The following CD101 variants were observed in gnomAD, a reference collection of about 807,000 sequenced individuals.
CD101 encodes CD101 molecule.
In CD101, 76 loss-of-function variants were observed where a neutral mutation model predicts 98.2. The observed-to-expected ratio is 0.77, with a 90% CI of 0.64 to 0.94. CD101 has a LOEUF of 0.94. Ranked by LOEUF, CD101 falls within the 40% of genes least tolerant of loss-of-function variation. CD101 has a pLI of 0.00. For synonymous variants in CD101, 471 were observed against 472.7 expected (o/e 1.00, Z 0.05); for missense variants, 1,145 against 1,218.8 (o/e 0.94, Z 0.90).
chr1:117,031,223 T>C (rs959644536), intron 8 of CD101, among the ~76,000 whole-genome samples: 1 of 152,200 alleles, frequency 6.6e-6, no homozygotes, highest in African/African-American at 2.4e-5. Context: ...CATCCTTTGA[T>C]GGCAGATTGC....
At position 117,012,064 on chromosome 1, in the gene CD101, T is replaced by C; in HGVS notation, c.841+98T>C. The C allele has an allele frequency of 8.8e-7, 1 of 1,142,582 alleles. No individual in the cohort carries two copies. The highest frequency in any genetic ancestry group is 1.6e-5 in the South Asian group (1 of 61,708). 70.8% of individuals were successfully genotyped at this position (1,142,582 alleles called of 1,614,324 possible). A position where few individuals can be genotyped will look rare whatever the true frequency, so the allele number is the denominator to read the frequency against. On this transcript the variant is annotated intron_variant, in intron 3 of 9. Coordinates refer to ENST00000682167, the MANE Select transcript of CD101 (RefSeq NM_001256106.3). This position sits in a 1 kb window ranked among gnomAD's most constrained non-coding sequence, Gnocchi z 4.0. ...TTTTGTTCTAATCTTTTGTTGGCTC[T>C]AAAAAATTGGCTAGAAAGTTTGATT...
Position 117,021,630 on chromosome 1 carries a change from A to G in CD101, c.2075A>G (p.Asn692Ser), listed in dbSNP as rs1423736849. 2.5e-6 allele frequency: 4 copies of G among 1,612,174 alleles called. No individual in the cohort carries two copies. Among genetic ancestry groups the G allele is most frequent in the Non-Finnish European group, 3.4e-6 (4 of 1,179,446 alleles). The change falls in exon 7 of 10, where the codon AAC (asparagine) becomes AGC (serine). Residue 692 changes from asparagine to serine, a missense_variant. Transcript: ENST00000682167. This position sits in a 1 kb window ranked among gnomAD's most constrained non-coding sequence, Gnocchi z 4.7. ...GTCCAAGAGCTCTCCATCAACTCCA[A>G]CACTGATATAGAATGTAGCATCTTG... ...SQVQELSINS[N>S]TDIECSILSR...
Position 117,009,955 on chromosome 1 carries a change from G to A in CD101, c.149G>A (p.Gly50Glu), listed in dbSNP as rs769838774. 5.0e-6 allele frequency: 8 copies of A among 1,614,156 alleles called. No individual in the cohort carries two copies. In the East Asian group the frequency reaches 1.8e-4, roughly 36 times the overall value. Residue 50 changes from glycine to glutamate, a missense_variant, in exon 2 of 10, where the codon GGA (glycine) becomes GAA (glutamate). Physicochemically the swap from Gly to Glu is moderately conservative, Grantham distance 98. Transcript: ENST00000682167. Reference sequence around the variant, plus strand: ...GGCTGCAATGTAACTGGCCACCAGGGACCTTCTGAGCAGCATTTCCAGTGG... The same window carrying A: ...GGCTGCAATGTAACTGGCCACCAGGAACCTTCTGAGCAGCATTTCCAGTGG... ...SIGCNVTGHQ[G>E]PSEQHFQWSV... is the part of the protein sequence containing the mutation.
chr1:117,025,618 C>T lies in CD101; in HGVS notation c.2538C>T (p.Tyr846=). ...LESVGSSATL[Y]SVMWYWNREN... ...GTGTAGGCAGCTCAGCCACTCTGTACTCTGTGATGTGGTACTGGAACAGAG... is the reference window on the plus strand; with the variant it reads ...GTGTAGGCAGCTCAGCCACTCTGTATTCTGTGATGTGGTACTGGAACAGAG... Residue 846 remains tyrosine (Y), a synonymous_variant, in exon 8 of 10, where the codon TAC becomes TAT. Transcript: ENST00000682167. The T allele has an allele frequency of 6.2e-7, 1 of 1,614,108 alleles. No individual in the cohort carries two copies. Among genetic ancestry groups the T allele is most frequent in the Non-Finnish European group, 8.5e-7 (1 of 1,180,032 alleles).
rs555412744 is a variant in CD101 at position 117,035,106 on chromosome 1, T to C, written c.*33+972T>C. On this transcript the variant is annotated intron_variant, in intron 9 of 9. Transcript: ENST00000682167. The stretch of plus-strand genomic sequence containing the variant: ...AGCAGCCGGTGGGGGTGGGGTGTAA[T>C]GGCTTAAAGCTTTCAACAGCTGTCC... 2.0e-5 allele frequency among the ~76,000 whole-genome samples: 3 copies of C among 152,226 alleles called. No homozygotes were observed. The East Asian group carries it at 5.8e-4, about 29-fold the overall frequency.
intron 1 of CD101, among the ~76,000 whole-genome samples, chr1:117,003,427 G>A (rs1652360309): frequency 6.6e-6 from 1 of 152,206 alleles, no homozygotes; most frequent in Non-Finnish European, 1.5e-5. Flanking sequence ...ACCACTTGCT[G>A]GGTGACGGAT....
intron 3 of CD101, 71 bp from the exon 4 acceptor site, chr1:117,013,335 C>A: frequency 3.4e-6 from 5 of 1,475,282 alleles, no homozygotes; most frequent in Non-Finnish European, 4.6e-6. Context: ...CAGAGGGTGT[C>A]ATCTCTCTCT....
rs998310959 is a variant in CD101, at chr1:117,022,634, A to C, written c.2428+651A>C. The stretch of plus-strand genomic sequence containing the variant: ...TTGATTAAAATTAAATGAATGTCAC[A>C]GCCAAGGTTCAGGAACTGGCCAAGA... On this transcript the variant is annotated intron_variant, in intron 7 of 9. Coordinates refer to ENST00000682167, the MANE Select transcript of CD101 (RefSeq NM_001256106.3). This position sits in a 1 kb window ranked among gnomAD's most constrained non-coding sequence, Gnocchi z 4.8. Among the ~76,000 whole-genome samples, 1 of 152,238 alleles carries C rather than the reference A, an allele frequency of 6.6e-6. No homozygotes were observed. Among genetic ancestry groups the C allele is most frequent in the Non-Finnish European group, 1.5e-5 (1 of 68,040 alleles).
At chr1:117,013,309 C>A in intron 3 of CD101, 97 bp from the exon 4 acceptor site, 1 of 1,367,310 alleles carries the variant, frequency 7.3e-7, no homozygotes, top group Non-Finnish European at 9.9e-7. Context: ...AAAATGTGAT[C>A]CCTGTGACAT....
chr1:117,029,491 C>T (rs1475235780), intron 8 of CD101, among the ~76,000 whole-genome samples: 3 of 152,212 alleles, frequency 2.0e-5, no homozygotes, highest in East Asian at 3.8e-4. Context: ...ACTGCCACTG[C>T]CTCAGAGACT....
chr1:117,025,910 C>T lies in CD101; in HGVS notation c.2824+6C>T, dbSNP rs755789596. 6.3e-7 allele frequency: 1 copy of T among 1,598,816 alleles called. No individual in the cohort carries two copies. The highest frequency in any genetic ancestry group is 8.6e-7 in the Non-Finnish European group (1 of 1,169,158). Reference sequence around the variant, plus strand: ...GCTCACGGTGCTGCCTTCAGGTAACCAGGGGTTTATCTACCGCGAGCTCAT... The same window carrying T: ...GCTCACGGTGCTGCCTTCAGGTAACTAGGGGTTTATCTACCGCGAGCTCAT... On this transcript the variant is annotated splice_donor_region_variant and intron_variant, in intron 8 of 9. Coordinates refer to ENST00000682167, the MANE Select transcript of CD101 (RefSeq NM_001256106.3).
At chr1:117,035,428 A>G (rs1461306832) in intron 9 of CD101, among the ~76,000 whole-genome samples, 1 of 152,096 alleles carries the variant, frequency 6.6e-6, no homozygotes, top group East Asian at 1.9e-4. Flanking sequence ...CCTTAAACTC[A>G]TGTCCCTTCA....
In CD101 at chr1:117,023,613, T is replaced by C. The variant is rs1384107447; in HGVS notation, c.2428+1630T>C. On this transcript the variant is annotated intron_variant, in intron 7 of 9. Transcript: ENST00000682167. This position sits in a 1 kb window ranked among gnomAD's most constrained non-coding sequence, Gnocchi z 4.4. Reference sequence around the variant, plus strand: ...TGTAATTTTAGTAGAGACAGGGTTTTACCATGTTGCTCAGGCTGGTCTTGA... The same window carrying C: ...TGTAATTTTAGTAGAGACAGGGTTTCACCATGTTGCTCAGGCTGGTCTTGA... Among the ~76,000 whole-genome samples, 1 of 152,012 alleles carries C rather than the reference T, an allele frequency of 6.6e-6. No homozygotes were observed. The highest frequency in any genetic ancestry group is 1.5e-5 in the Non-Finnish European group (1 of 67,986).
At chr1:117,029,218 AAAGAAAGAAAG>A (rs1557779055) in intron 8 of CD101, among the ~76,000 whole-genome samples, 1 of 19,444 alleles carries the variant, frequency 5.1e-5, no homozygotes, top group African/African-American at 3.2e-4. Context: ...GAAAGAAAAG[AAAGAAAGAAAG>A]AAAGAAAGAA....
chr1:117,009,729 A>T, intron 1 of CD101, 121 bp from the exon 2 acceptor site: 1 of 1,022,394 alleles, frequency 9.8e-7, no homozygotes, highest in Non-Finnish European at 1.4e-6. Flanking sequence ...TGAGTCAATT[A>T]TAGCTAATAA....
At chr1:117,017,775 G>A (rs954922333) in intron 5 of CD101, among the ~76,000 whole-genome samples, 1 of 152,186 alleles carries the variant, frequency 6.6e-6, no homozygotes, top group African/African-American at 2.4e-5. Flanking sequence ...CTGTGGCCCT[G>A]GGATTGCAGA....
intron 8 of CD101, among the ~76,000 whole-genome samples, chr1:117,029,214 A>AAAG (rs748524722): frequency 4.4e-5 from 1 of 22,750 alleles, no homozygotes; most frequent in Non-Finnish European, 7.5e-5. Context: ...AAAAGAAAGA[A>AAAG]AAGAAAGAAA....
chr1:117,023,316 A>G lies in CD101; in HGVS notation c.2428+1333A>G, dbSNP rs1325321717. Among the ~76,000 whole-genome samples the G allele has an allele frequency of 6.6e-6, 1 of 152,212 alleles. No homozygotes were observed. The highest frequency in any genetic ancestry group is 2.4e-5 in the African/African-American group (1 of 41,452). On this transcript the variant is annotated intron_variant, in intron 7 of 9. Coordinates refer to ENST00000682167, the MANE Select transcript of CD101 (RefSeq NM_001256106.3). The surrounding 1 kb of genome is among the most constrained non-coding windows in gnomAD (Gnocchi z 4.4). ...TAGCTCAAGTGCTTCCCATGTAGAA[A>G]TGTGGGCTCCGTGTTGTCAGATCTT...
At chr1:117,009,258 C>T (rs1325046266) in intron 1 of CD101, among the ~76,000 whole-genome samples, 6 of 152,124 alleles carry the variant, frequency 3.9e-5, no homozygotes, top group Non-Finnish European at 8.8e-5. Context: ...TAAGAAATGA[C>T]AAAACAAAAC....
Sources: gnomAD v4.1 joint callset for allele counts (sites outside exome capture counted in the v4.1 genomes callset) on GRCh38, gnomAD v4.1.1 for gene constraint, Gnocchi (gnomAD v3.1) non-coding constraint, MANE v1.5 for transcripts, NCBI Gene and HGNC (gene_info 2026-07-23, HGNC 2026-07-21) for gene names.